Variants in ANXA2 observed in about 807,000 individuals in gnomAD.
The protein encoded by ANXA2 is annexin A2, also known as annexin II.
A neutral mutation model predicts 47.3 loss-of-function variants in ANXA2; 28 were observed. The ratio of observed to expected loss-of-function variants is 0.59; its 90% CI spans 0.44 to 0.81. ANXA2 has a LOEUF of 0.81. Among genes scored for constraint, ANXA2 ranks in the 40% least tolerant of loss-of-function variants. The probability of loss-of-function intolerance (pLI) is 0.00; values close to 1 mark genes in which losing one functional copy is unlikely to be tolerated. For synonymous variants in ANXA2, 172 were observed against 155.5 expected (o/e 1.11, Z -0.79); for missense variants, 384 against 414.3 (o/e 0.93, Z 0.64).
chr15:60,373,411 T>G (rs1157979669), intron 3 of ANXA2, among the ~76,000 whole-genome samples: 1 of 152,192 alleles, frequency 6.6e-6, no homozygotes, highest in Non-Finnish European at 1.5e-5. Flanking sequence ...ATCCATCTAG[T>G]GAGAGAGATT....
chr15:60,397,946 G>A lies in ANXA2; in HGVS notation c.-15C>T, dbSNP rs2140954943. The A allele has an allele frequency of 2.3e-6, 3 of 1,294,494 alleles. No individual in the cohort carries two copies. The highest frequency in any genetic ancestry group is 2.3e-5 in the South Asian group (1 of 42,796). The allele number at this position is 1,294,494 out of a possible 1,614,324, so 80.2% of individuals were successfully genotyped here. On this transcript the variant is annotated 5_prime_UTR_variant, in exon 1 of 13. Transcript: ENST00000451270. ...GGGCAGGGCGCGCCCCGCTTACCTG[G>A]GCCGTGCGCCGAGAGCTGAGAGCGT...
chr15:60,381,372 G>A (rs1276290936), intron 3 of ANXA2, among the ~76,000 whole-genome samples: 2 of 152,146 alleles, frequency 1.3e-5, no homozygotes, highest in Non-Finnish European at 2.9e-5. Flanking sequence ...CTTTATCCAA[G>A]GGGGGAAAAG....
intron 1 of ANXA2, chr15:60,397,285 G>C (rs1012302493): frequency 1.0e-6 from 1 of 985,562 alleles, no homozygotes; most frequent in African/African-American, 1.7e-5. Context: ...GTTCAACCAA[G>C]CGGGAAACTC....
intron 1 of ANXA2, chr15:60,386,639 T>C (rs2062937331): frequency 6.6e-6 from 1 of 152,442 alleles, no homozygotes; most frequent in Non-Finnish European, 1.5e-5. Flanking sequence ...AGAAAGACGA[T>C]GGACAGATTT....
intron 3 of ANXA2, chr15:60,374,447 C>G (rs188601933): frequency 4.4e-5 from 20 of 456,062 alleles, no homozygotes; most frequent in Middle Eastern, 3.3e-4. Context: ...CCACCCTTAA[C>G]TCACTTGATA....
In ANXA2 at chr15:60,351,192, C is replaced by T. The variant is rs1895992891; in HGVS notation, c.837+1G>A. 1.2e-6 allele frequency: 2 copies of T among 1,614,012 alleles called. No homozygotes were observed. Among genetic ancestry groups the T allele is most frequent in the African/African-American group, 1.3e-5 (1 of 74,912 alleles). On this transcript the variant is annotated splice_donor_variant, in intron 11 of 12. Transcript: ENST00000451270. LOFTEE classifies it high-confidence loss of function. ...CAGCTCTCTCAGCCAGCTGCCCTTA[C>T]CTTCATGGAGTCATACAGCCGATCA...
chr15:60,387,536 C>G (rs2062949802), intron 1 of ANXA2, among the ~76,000 whole-genome samples: 1 of 152,120 alleles, frequency 6.6e-6, no homozygotes, highest in South Asian at 2.1e-4. Flanking sequence ...TGAAAGAAGC[C>G]AACTGAAAAG....
rs748634918 is a variant in ANXA2, at chr15:60,355,994, G to A, written c.453C>T (p.Tyr151=). The part of the protein sequence containing the change: ...QEINRVYKEM[Y]KTDLEKDIIS... ...TAATGTCCTTCTCCAGATCAGTCTT[G>A]TACACTTGGAGGAAAATACATCTGG... The change falls in exon 7 of 13, where the codon TAC becomes TAT. Residue 151 remains tyrosine, a synonymous_variant. Transcript: ENST00000451270. 3.1e-6 allele frequency: 5 copies of A among 1,612,886 alleles called. No homozygotes were observed. In the African/African-American group the frequency reaches 4.0e-5, roughly 13 times the overall value.
At chr15:60,397,065 C>T (rs2140952031) in intron 1 of ANXA2, among the ~76,000 whole-genome samples, 1 of 152,266 alleles carries the variant, frequency 6.6e-6, no homozygotes, top group Admixed American at 6.5e-5. Flanking sequence ...TATCTGTGTT[C>T]CCCTCCTTCT....
chr15:60,374,199 T>C (rs1566942465), intron 3 of ANXA2, among the ~76,000 whole-genome samples: 1 of 152,238 alleles, frequency 6.6e-6, no homozygotes, highest in Non-Finnish European at 1.5e-5. Flanking sequence ...CTTGGTAATC[T>C]CACCGGCTGC....
chr15:60,387,457 A>G (rs912435447), intron 1 of ANXA2, among the ~76,000 whole-genome samples: 3 of 152,260 alleles, frequency 2.0e-5, no homozygotes, highest in African/African-American at 7.2e-5. Flanking sequence ...AATATTATTC[A>G]GCACTGAAAA....
chr15:60,360,912 G>T, intron 5 of ANXA2, 29 bp downstream of exon 5: 1 of 1,360,600 alleles, frequency 7.3e-7, no homozygotes, highest in Non-Finnish European at 1.1e-6. Flanking sequence ...TAGCAGATTT[G>T]ACAGAGATGA....
intron 1 of ANXA2, chr15:60,390,376 G>A (rs2062992383): frequency 2.8e-6 from 2 of 726,982 alleles, no homozygotes; most frequent in African/African-American, 1.8e-5. Flanking sequence ...AAAACATGGT[G>A]AACATTCCTA....
intron 10 of ANXA2, 96 bp from the exon 11 acceptor site, chr15:60,351,347 G>A (rs1317641448): frequency 8.0e-7 from 1 of 1,249,526 alleles, no homozygotes; most frequent in Non-Finnish European, 1.2e-6. Flanking sequence ...CAAACCAGAA[G>A]TGACCTAATG....
rs548055644 is a variant in ANXA2, at chr15:60,352,420, G to A, written c.645C>T (p.Ser215=). ...RKGTDVPKWI[S]IMTERSVPHL... ...GGGGCACGCTCCGCTCGGTCATGAT[G>A]CTGATCCACTTGGGAACATCAGTTC... The change falls in exon 9 of 13, where the codon AGC becomes AGT. Residue 215 remains serine (S), a synonymous_variant. Coordinates refer to ENST00000451270, the MANE Select transcript of ANXA2 (RefSeq NM_004039.3). The surrounding 1 kb of genome is among the most constrained non-coding windows in gnomAD (Gnocchi z 4.2). 2 of 1,613,830 alleles carry A rather than the reference G, an allele frequency of 1.2e-6. No individual in the cohort carries two copies. The highest frequency in any genetic ancestry group is 1.7e-6 in the Non-Finnish European group (2 of 1,179,822).
At chr15:60,366,244 T>C (rs1331684654) in intron 3 of ANXA2, among the ~76,000 whole-genome samples, 1 of 151,106 alleles carries the variant, frequency 6.6e-6, no homozygotes, top group African/African-American at 2.4e-5. Context: ...AGAGCCCAGA[T>C]TGCAGCCTCT....
intron 7 of ANXA2, among the ~76,000 whole-genome samples, chr15:60,355,067 T>C (rs2062406999): frequency 6.6e-6 from 1 of 152,078 alleles, no homozygotes; most frequent in Non-Finnish European, 1.5e-5. Flanking sequence ...CAGCACGCTC[T>C]CAGGTAAGTA....
intron 3 of ANXA2, among the ~76,000 whole-genome samples, chr15:60,376,152 C>T (rs1462551855): frequency 2.6e-5 from 4 of 151,890 alleles, no homozygotes; most frequent in Non-Finnish European, 5.9e-5. Flanking sequence ...CTGAGGCAGG[C>T]GGATCACCTG....
chr15:60,385,332 C>G (rs1379724802), intron 2 of ANXA2, among the ~76,000 whole-genome samples: 1 of 152,130 alleles, frequency 6.6e-6, no homozygotes, highest in East Asian at 1.9e-4. Context: ...CTTTGGGAGG[C>G]CAAGGCAGGC....
Sources: gnomAD v4.1 joint callset for allele counts (sites outside exome capture counted in the v4.1 genomes callset) on GRCh38, gnomAD v4.1.1 for gene constraint, Gnocchi (gnomAD v3.1) non-coding constraint, MANE v1.5 for transcripts, NCBI Gene and HGNC (gene_info 2026-07-23, HGNC 2026-07-21) for gene names.